The following GULP1 variants were observed in gnomAD, a reference collection of about 807,000 sequenced individuals.
GULP1 encodes the protein GULP PTB domain containing engulfment adaptor 1, also known as PTB domain-containing engulfment adapter protein 1.
GULP1 carries 19 observed loss-of-function variants against 40.9 expected under a neutral mutation model. The ratio of observed to expected loss-of-function variants is 0.46; its 90% CI spans 0.32 to 0.68. GULP1 has a LOEUF of 0.68. Among genes scored for constraint, GULP1 ranks in the 30% least tolerant of loss-of-function variants. GULP1 has a pLI of 0.03. For missense variants in GULP1, 312 were observed against 362.2 expected (o/e 0.86, Z 1.12); for synonymous variants, 119 against 117.6 (o/e 1.01, Z -0.08).
intron 2 of GULP1, among the ~76,000 whole-genome samples, chr2:188,409,557 A>G (rs538332069): frequency 1.3e-5 from 2 of 151,666 alleles, no homozygotes; most frequent in East Asian, 3.9e-4. Context: ...ATTCTTTTCA[A>G]TTTTTTTTTC....
chr2:188,296,487 G>T (rs2105913833), intron 1 of GULP1, among the ~76,000 whole-genome samples: 1 of 152,124 alleles, frequency 6.6e-6, no homozygotes, highest in Non-Finnish European at 1.5e-5. Context: ...ATATTGTGTG[G>T]GATAGTAAGT....
At chr2:188,458,720 A>C (rs182548959) in intron 2 of GULP1, among the ~76,000 whole-genome samples, 1 of 152,076 alleles carries the variant, frequency 6.6e-6, no homozygotes, top group African/African-American at 2.4e-5. Flanking sequence ...AATTAACTTA[A>C]ATTACTTTTG....
intron 2 of GULP1, among the ~76,000 whole-genome samples, chr2:188,446,122 A>G (rs545191500): frequency 6.6e-6 from 1 of 152,226 alleles, no homozygotes; most frequent in East Asian, 1.9e-4. Context: ...CAGGAGACCA[A>G]TTTTTGCTTG....
At chr2:188,585,337 C>T (rs1702152129) in intron 10 of GULP1, among the ~76,000 whole-genome samples, 1 of 152,214 alleles carries the variant, frequency 6.6e-6, no homozygotes. Flanking sequence ...TGGCCCTCTT[C>T]TCACAGCTCC....
chr2:188,428,176 T>C (rs2056443891), intron 2 of GULP1, among the ~76,000 whole-genome samples: 1 of 152,248 alleles, frequency 6.6e-6, no homozygotes, highest in African/African-American at 2.4e-5. Flanking sequence ...ATTTACCCAA[T>C]GCCTGTATCC....
At chr2:188,430,254 A>G (rs1425564432) in intron 2 of GULP1, among the ~76,000 whole-genome samples, 1 of 152,256 alleles carries the variant, frequency 6.6e-6, no homozygotes, top group Non-Finnish European at 1.5e-5. Context: ...ACATGGATGT[A>G]AAAACTTATC....
chr2:188,533,201 T>A lies in GULP1; in HGVS notation c.261+4006T>A, dbSNP rs150437102. On this transcript the variant is annotated intron_variant, in intron 6 of 11. Coordinates refer to ENST00000409830, the MANE Select transcript of GULP1 (RefSeq NM_016315.4). ...AAAGACAGAAATACCAAACTTTTTT[T>A]AAAAAATAGCGTATGATACTGTAGA... Among the ~76,000 whole-genome samples the A allele has an allele frequency of 5.5e-4, 84 of 152,242 alleles. No homozygotes were observed. The East Asian group carries it at 9.3e-3, about 17-fold the overall frequency.
chr2:188,480,040 T>A (rs906266757), intron 3 of GULP1, among the ~76,000 whole-genome samples: 5 of 152,118 alleles, frequency 3.3e-5, no homozygotes, highest in African/African-American at 1.2e-4. Flanking sequence ...GAACTGAAAA[T>A]TTTCCCTTAA....
chr2:188,502,371 G>A (rs941531410), intron 4 of GULP1, among the ~76,000 whole-genome samples: 4 of 151,844 alleles, frequency 2.6e-5, no homozygotes, highest in African/African-American at 9.7e-5. Flanking sequence ...CCTGGATTTA[G>A]TTTTAATAAA....
intron 6 of GULP1, among the ~76,000 whole-genome samples, chr2:188,538,035 C>T (rs533183219): frequency 1.3e-5 from 2 of 152,016 alleles, no homozygotes; most frequent in African/African-American, 4.8e-5. Flanking sequence ...TGTAATACCA[C>T]CTTTGTTGTT....
intron 1 of GULP1, among the ~76,000 whole-genome samples, chr2:188,309,506 C>T (rs1031218153): frequency 3.3e-5 from 5 of 152,022 alleles, no homozygotes; most frequent in Non-Finnish European, 7.4e-5. Flanking sequence ...GGTATATTAT[C>T]TTGAGATTCC....
chr2:188,476,847 G>T (rs895524471), intron 2 of GULP1, among the ~76,000 whole-genome samples: 2 of 152,080 alleles, frequency 1.3e-5, no homozygotes, highest in African/African-American at 4.8e-5. Context: ...AGACCTTAAT[G>T]TGAATTGTCT....
chr2:188,330,684 G>T (rs2041449889), intron 1 of GULP1, among the ~76,000 whole-genome samples: 1 of 152,190 alleles, frequency 6.6e-6, no homozygotes, highest in East Asian at 1.9e-4. Flanking sequence ...AGTAGACTAG[G>T]AGTCAGAAGT....
chr2:188,457,228 G>A (rs1456673953), intron 2 of GULP1, among the ~76,000 whole-genome samples: 1 of 152,162 alleles, frequency 6.6e-6, no homozygotes, highest in Non-Finnish European at 1.5e-5. Flanking sequence ...TTTGAAATGT[G>A]AGGACATGAA....
chr2:188,366,751 GC>G (rs2046855083), intron 1 of GULP1, among the ~76,000 whole-genome samples: 1 of 151,900 alleles, frequency 6.6e-6, no homozygotes, highest in Admixed American at 6.6e-5. Context: ...CCGCCACCAT[GC>G]CCAGCTAATT....
chr2:188,302,209 A>G lies in GULP1; in HGVS notation c.-172+10043A>G, dbSNP rs957874134. Among the ~76,000 whole-genome samples, 21 of 152,314 alleles carry G rather than the reference A, an allele frequency of 1.4e-4. No homozygotes were observed. In the East Asian group the frequency reaches 3.5e-3, roughly 25 times the overall value. On this transcript the variant is annotated intron_variant, in intron 1 of 11. Coordinates refer to ENST00000409830, the MANE Select transcript of GULP1 (RefSeq NM_016315.4). ...AATCACCATGCATTAAGTTTTTAATACAGTAGATAAGTCAATCATCTTATT... is the reference window on the plus strand; with the variant it reads ...AATCACCATGCATTAAGTTTTTAATGCAGTAGATAAGTCAATCATCTTATT...
At chr2:188,571,827 A>G (rs1699111395) in intron 9 of GULP1, among the ~76,000 whole-genome samples, 1 of 152,198 alleles carries the variant, frequency 6.6e-6, no homozygotes, top group Non-Finnish European at 1.5e-5. Context: ...AGTTTTGATA[A>G]CGTAGTTGTT....
chr2:188,368,939 G>GTGTATATATATATATATATA (rs1272494109), intron 1 of GULP1, among the ~76,000 whole-genome samples: 5 of 86,076 alleles, frequency 5.8e-5, no homozygotes, highest in African/African-American at 1.6e-4. Flanking sequence ...ATATATGTGT[G>GTGTATATATATATATATATA]TATATATATA....
At chr2:188,529,049 C>A in intron 5 of GULP1, 48 bp from the exon 6 acceptor site, 1 of 857,600 alleles carries the variant, frequency 1.2e-6, no homozygotes, top group Non-Finnish European at 1.9e-6. Flanking sequence ...TTTGTTCATT[C>A]TTTATAGAAA....
Sources: allele counts gnomAD v4.1 joint callset (sites outside exome capture counted in the v4.1 genomes callset), GRCh38; gene constraint gnomAD v4.1.1; transcripts MANE v1.5; gene names NCBI Gene and HGNC (gene_info 2026-07-23, HGNC 2026-07-21).